Variants in ERG observed in about 807,000 individuals in gnomAD.
ERG encodes ETS transcription factor ERG, also known as transcriptional regulator ERG.
ERG carries 9 observed loss-of-function variants against 55.3 expected under a neutral mutation model. That is an observed-to-expected ratio of 0.16 (90% CI 0.10 to 0.28). The LOEUF is 0.28. Among genes scored for constraint, ERG ranks in the 10% least tolerant of loss-of-function variants. The probability of loss-of-function intolerance (pLI) is 1.00; values close to 1 mark genes in which losing one functional copy is unlikely to be tolerated. For synonymous variants in ERG, 223 were observed against 237.3 expected (o/e 0.94, Z 0.55); for missense variants, 434 against 631.6 (o/e 0.69, Z 3.35).
chr21:38,455,868 T>TTGCCCGCC (rs2058983617), intron 1 of ERG, among the ~76,000 whole-genome samples: 1 of 130,560 alleles, frequency 7.7e-6, no homozygotes, highest in Non-Finnish European at 1.7e-5. Flanking sequence ...ATTGGTACGG[T>TTGCCCGCC]CCCCCCCCTC....
intron 1 of ERG, among the ~76,000 whole-genome samples, chr21:38,597,381 C>T (rs150830313): frequency 1.2e-3 from 176 of 151,944 alleles, no homozygotes; most frequent in Non-Finnish European, 1.9e-3. Context: ...TATAAACACA[C>T]GTGTGTGTAC....
intron 2 of ERG, among the ~76,000 whole-genome samples, chr21:38,505,130 A>G (rs1273640272): frequency 6.6e-6 from 1 of 152,216 alleles, no homozygotes; most frequent in African/African-American, 2.4e-5. Context: ...TTCCATCACA[A>G]ATGGAATCAG....
chr21:38,495,845 G>A (rs1211350820), intron 1 of ERG, among the ~76,000 whole-genome samples: 1 of 152,202 alleles, frequency 6.6e-6, no homozygotes, highest in Admixed American at 6.5e-5. Context: ...AGCAAACACT[G>A]AGATGTTTGT....
At position 38,642,468 on chromosome 21, in the gene ERG, C is replaced by CTACCCCAGCCAA. The variant is rs2060431368; in HGVS notation, c.-150+19189_-150+19190insTTGGCTGGGGTA. ...TATAGATTTCACCTCACACCCCACC[C>CTACCCCAGCCAA]TAAATCCATATACACAGACCCACTC... On this transcript the variant is annotated intron_variant, in intron 1 of 10. Coordinates refer to the ERG transcript ENST00000398910. 5.3e-5 allele frequency among the ~76,000 whole-genome samples: 8 copies of CTACCCCAGCCAA among 151,732 alleles called. No homozygotes were observed. In the South Asian group the frequency reaches 1.7e-3, roughly 32 times the overall value.
chr21:38,505,907 A>G (rs901244753), intron 2 of ERG, among the ~76,000 whole-genome samples: 3 of 152,186 alleles, frequency 2.0e-5, no homozygotes, highest in Non-Finnish European at 4.4e-5. Context: ...TTTAGAGAGA[A>G]TACTAGTGTG....
chr21:38,634,450 A>G (rs2060375989), intron 1 of ERG, among the ~76,000 whole-genome samples: 1 of 152,194 alleles, frequency 6.6e-6, no homozygotes, highest in Non-Finnish European at 1.5e-5. Flanking sequence ...GCAGGAGGAG[A>G]AAATGTGAGC....
the ERG span, among the ~76,000 whole-genome samples, chr21:38,373,288 G>A: frequency 2.6e-5 from 4 of 152,114 alleles, no homozygotes; most frequent in Admixed American, 2.6e-4. Context: ...CTCTCGTTTT[G>A]CTACTCTTCT....
At chr21:38,502,084 G>A (rs191223412), upstream of ERG, among the ~76,000 whole-genome samples, 11 of 152,326 alleles carry the variant, frequency 7.2e-5, no homozygotes, top group African/African-American at 1.9e-4. Context: ...TAATACATGC[G>A]CAGAGCAAAG....
intron 2 of ERG, among the ~76,000 whole-genome samples, chr21:38,552,547 G>T (rs1284581906): frequency 2.0e-5 from 3 of 152,150 alleles, no homozygotes; most frequent in Admixed American, 1.3e-4. Flanking sequence ...ATCAATAAAT[G>T]TGATTCATCC....
intron 1 of ERG, among the ~76,000 whole-genome samples, chr21:38,490,606 C>T (rs1319832307): frequency 2.6e-5 from 4 of 152,198 alleles, no homozygotes; most frequent in South Asian, 2.1e-4. Context: ...TTTGAAGATC[C>T]GATAGGGGCA....
chr21:38,575,528 A>G, intron 2 of ERG: 2 of 642,932 alleles, frequency 3.1e-6, no homozygotes, highest in Non-Finnish European at 5.6e-6. Context: ...AACCATTTAA[A>G]AAAGTAAAAA....
At chr21:38,593,873 T>C (rs189815334) in intron 1 of ERG, among the ~76,000 whole-genome samples, 268 of 152,308 alleles carry the variant, frequency 1.8e-3, no homozygotes, top group African/African-American at 6.3e-3. Context: ...ACTTTGATAC[T>C]TGTAGGAGGC....
chr21:38,571,473 T>C (rs2059957168), intron 2 of ERG, among the ~76,000 whole-genome samples: 1 of 151,814 alleles, frequency 6.6e-6, no homozygotes, highest in Non-Finnish European at 1.5e-5. Flanking sequence ...ATCATACCAC[T>C]GCACTCCAGC....
intron 1 of ERG, chr21:38,474,169 T>C (rs2059166043): frequency 6.6e-6 from 1 of 152,176 alleles, no homozygotes; most frequent in East Asian, 1.9e-4. Context: ...CCAACCCAAA[T>C]GGTCATATCT....
chr21:38,606,983 C>T (rs555184846), intron 1 of ERG, among the ~76,000 whole-genome samples: 37 of 152,164 alleles, frequency 2.4e-4, no homozygotes, highest in African/African-American at 8.2e-4. Flanking sequence ...ATTAAATCCA[C>T]ATCTAGTCAT....
chr21:38,381,162 C>T lies in ERG; in HGVS notation c.*2241G>A, dbSNP rs1987416697. On this transcript the variant is annotated 3_prime_UTR_variant, in exon 10 of 10. Coordinates refer to ENST00000288319, the MANE Select transcript of ERG (RefSeq NM_182918.4). The stretch of plus-strand genomic sequence containing the variant: ...AAGCCCACTGCCAAAACATCCACAG[C>T]ACAGAGGTTTGGCAACTTCACATAA... 2.8e-6 allele frequency: 3 copies of T among 1,065,210 alleles called. No individual in the cohort carries two copies. In the South Asian group the frequency reaches 1.4e-4, roughly 48 times the overall value. 66.0% of individuals were successfully genotyped at this position (1,065,210 alleles called of 1,614,324 possible). A position where few individuals can be genotyped will look rare whatever the true frequency, so the allele number is the denominator to read the frequency against.
chr21:38,600,963 T>C (rs897756172), intron 1 of ERG, among the ~76,000 whole-genome samples: 2 of 151,918 alleles, frequency 1.3e-5, no homozygotes, highest in Non-Finnish European at 1.5e-5. Flanking sequence ...GCTCCAAGAG[T>C]CTAATGGTGA....
intron 9 of ERG, among the ~76,000 whole-genome samples, chr21:38,384,152 C>G (rs1039853163): frequency 6.6e-6 from 1 of 152,238 alleles, no homozygotes; most frequent in Non-Finnish European, 1.5e-5. Flanking sequence ...TCGCCCACCC[C>G]CAGGTATCCC....
intron 1 of ERG, among the ~76,000 whole-genome samples, chr21:38,598,457 A>C (rs999539313): frequency 1.3e-5 from 2 of 152,234 alleles, no homozygotes; most frequent in East Asian, 3.8e-4. Context: ...CCTGGAAAAC[A>C]GGGAATAATA....
Sources: gnomAD v4.1 joint callset for allele counts (sites outside exome capture counted in the v4.1 genomes callset) on GRCh38, gnomAD v4.1.1 for gene constraint, MANE v1.5 for transcripts, NCBI Gene and HGNC (gene_info 2026-07-23, HGNC 2026-07-21) for gene names.